The following TENT5C variants were observed in gnomAD, a reference collection of about 807,000 sequenced individuals.
TENT5C encodes terminal nucleotidyltransferase 5C, also known as family with sequence similarity 46 member C.
TENT5C carries 5 observed loss-of-function variants against 22.2 expected under a neutral mutation model. That is an observed-to-expected ratio of 0.22 (90% CI 0.12 to 0.47). The LOEUF (loss-of-function observed/expected upper bound fraction) is 0.47, where lower values mean the gene tolerates loss of function less well. Ranked by LOEUF, TENT5C falls within the 20% of genes least tolerant of loss-of-function variation. The pLI, the probability that TENT5C is intolerant of heterozygous loss-of-function variation, is 0.99. For synonymous variants in TENT5C, 199 were observed against 195.4 expected, an observed-to-expected ratio of 1.02 and a Z score of -0.15; for missense variants, 364 against 500.9, an observed-to-expected ratio of 0.73 and a Z score of 2.61.
chr1:117,626,302 A>G lies in TENT5C; in HGVS notation c.*2258A>G. The G allele has an allele frequency of 4.0e-6, 1 of 247,492 alleles. No homozygotes were observed. The highest frequency in any genetic ancestry group is 8.5e-6 in the Non-Finnish European group (1 of 117,920). 15.3% of individuals were successfully genotyped at this position (247,492 alleles called of 1,614,324 possible). ...TTTCTGCTTATGTTTTTTCCCCCCCATCTGGTAATAGTCCTCTTCTGAGAA... is the reference window on the plus strand; with the variant it reads ...TTTCTGCTTATGTTTTTTCCCCCCCGTCTGGTAATAGTCCTCTTCTGAGAA... On this transcript the variant is annotated 3_prime_UTR_variant, in exon 2 of 2. Transcript: ENST00000369448.
rs764728855 is a variant in TENT5C at position 117,623,739 on chromosome 1, T to TA, written c.872dup (p.Tyr291Ter). Residue 291 changes from tyrosine to a stop codon, truncating the protein, a stop_gained and frameshift_variant, in exon 2 of 2, where the codon TAC becomes TAAC. Coordinates refer to ENST00000369448, the MANE Select transcript of TENT5C (RefSeq NM_017709.4). LOFTEE classifies it high-confidence loss of function. Reference protein sequence around the residue: ...ILEQQRKLETYLQNHFAEEER... With the variant: ...ILEQQRKLET ...TGAACAGCAGAGGAAGTTGGAGACT[T>TA]ACCTTCAAAACCACTTCGCTGAAGA... 1 of 1,614,124 alleles carries TA rather than the reference T, an allele frequency of 6.2e-7. No individual in the cohort carries two copies. Among genetic ancestry groups the TA allele is most frequent in the Admixed American group, 1.7e-5 (1 of 60,024 alleles).
intron 1 of TENT5C, among the ~76,000 whole-genome samples, chr1:117,621,179 T>A (rs1001448144): frequency 6.6e-6 from 1 of 152,098 alleles, no homozygotes; most frequent in South Asian, 2.1e-4. Flanking sequence ...CCTCCACGAG[T>A]ACTCTGTAGC....
At chr1:117,613,909 G>T (rs1653722337) in intron 1 of TENT5C, among the ~76,000 whole-genome samples, 1 of 152,186 alleles carries the variant, frequency 6.6e-6, no homozygotes, top group Non-Finnish European at 1.5e-5. Context: ...TGTGTTGCGG[G>T]CATTTAAGTG....
chr1:117,625,446 A>G lies in TENT5C; in HGVS notation c.*1402A>G. ...TAGTTGAAAGAAAGCTTAGTAGATG[A>G]GAGAGTTCTAGGCTACTGTGGCTTT... On this transcript the variant is annotated 3_prime_UTR_variant, in exon 2 of 2. Transcript: ENST00000369448. 1 of 248,186 alleles carries G rather than the reference A, an allele frequency of 4.0e-6. No homozygotes were observed. 15.4% of individuals were successfully genotyped at this position (248,186 alleles called of 1,614,324 possible). A position where few individuals can be genotyped will look rare whatever the true frequency, so the allele number is the denominator to read the frequency against.
rs1653979261 is a variant in TENT5C, at chr1:117,625,090, GT to G, written c.*1051del. On this transcript the variant is annotated 3_prime_UTR_variant, in exon 2 of 2. Transcript: ENST00000369448. ...TTCTGGAGTACTTTAGCTATTTTTT[GT>G]TTTTGTTCTTTTCGTTTTTTTTTTT... 1 of 244,458 alleles carries G rather than the reference GT, an allele frequency of 4.1e-6. No individual in the cohort carries two copies. The highest frequency in any genetic ancestry group is 5.7e-5 in the Admixed American group (1 of 17,604). The allele number at this position is 244,458 out of a possible 1,614,324, so 15.1% of individuals were successfully genotyped here.
chr1:117,613,546 A>G (rs1433744922), intron 1 of TENT5C, among the ~76,000 whole-genome samples: 2 of 152,160 alleles, frequency 1.3e-5, no homozygotes, highest in East Asian at 3.9e-4. Flanking sequence ...ATAACCATTC[A>G]GACTGTGTGT....
chr1:117,628,239 C>T lies in TENT5C; in HGVS notation c.*4195C>T, dbSNP rs1182685394. 1 of 247,230 alleles carries T rather than the reference C, an allele frequency of 4.0e-6. No individual in the cohort carries two copies. Among genetic ancestry groups the T allele is most frequent in the Non-Finnish European group, 8.5e-6 (1 of 117,718 alleles). 15.3% of individuals were successfully genotyped at this position (247,230 alleles called of 1,614,324 possible). A position where few individuals can be genotyped will look rare whatever the true frequency, so the allele number is the denominator to read the frequency against. ...AAATATTTCTTAGTGCCTAGGAGGTCTGGGGATTCCTCTTTCGTGGTGGTC... is the reference window on the plus strand; with the variant it reads ...AAATATTTCTTAGTGCCTAGGAGGTTTGGGGATTCCTCTTTCGTGGTGGTC... On this transcript the variant is annotated 3_prime_UTR_variant, in exon 2 of 2. Transcript: ENST00000369448.
chr1:117,619,801 TA>T (rs1368823458), intron 1 of TENT5C, among the ~76,000 whole-genome samples: 1 of 152,226 alleles, frequency 6.6e-6, no homozygotes, highest in Non-Finnish European at 1.5e-5. Context: ...ATGCCTCCTT[TA>T]ATTATATACT....
At chr1:117,612,950 A>G (rs908702110) in intron 1 of TENT5C, among the ~76,000 whole-genome samples, 8 of 152,202 alleles carry the variant, frequency 5.3e-5, no homozygotes, top group African/African-American at 1.9e-4. Context: ...GCAGCCTTTG[A>G]TGAAACCCGG....
intron 1 of TENT5C, among the ~76,000 whole-genome samples, chr1:117,612,493 G>C (rs1358818442): frequency 2.0e-5 from 3 of 151,226 alleles, no homozygotes; most frequent in Non-Finnish European, 4.4e-5. Flanking sequence ...AAATTTGAGT[G>C]AAATTGCAAG....
In TENT5C at chr1:117,626,094, A is replaced by T. The variant is rs922537040; in HGVS notation, c.*2050A>T. On this transcript the variant is annotated 3_prime_UTR_variant, in exon 2 of 2. Transcript: ENST00000369448. Reference sequence around the variant, plus strand: ...TGGTGGTCAAATGGCATGTGTTTGCACAAAAATGACCGATGTGTTTAACCA... The same window carrying T: ...TGGTGGTCAAATGGCATGTGTTTGCTCAAAAATGACCGATGTGTTTAACCA... 2 of 247,966 alleles carry T rather than the reference A, an allele frequency of 8.1e-6. No homozygotes were observed. Among genetic ancestry groups the T allele is most frequent in the African/African-American group, 2.2e-5 (1 of 45,350 alleles). The allele number at this position is 247,966 out of a possible 1,614,324, so 15.4% of individuals were successfully genotyped here.
At chr1:117,611,477 G>A (rs771863243) in intron 1 of TENT5C, among the ~76,000 whole-genome samples, 2 of 152,140 alleles carry the variant, frequency 1.3e-5, no homozygotes, top group Non-Finnish European at 2.9e-5. Context: ...CAATAAATTA[G>A]ATCAGTGCTT....
At chr1:117,622,585 T>C (rs1653917071) in intron 1 of TENT5C, among the ~76,000 whole-genome samples, 1 of 149,268 alleles carries the variant, frequency 6.7e-6, no homozygotes, top group Non-Finnish European at 1.5e-5. Context: ...ACTCCACCCT[T>C]ACCCAGAAAA....
chr1:117,611,445 A>G lies in TENT5C; in HGVS notation c.-28+5292A>G, dbSNP rs79025895. Among the ~76,000 whole-genome samples the G allele has an allele frequency of 1.1e-3, 167 of 152,336 alleles. 1 individual carries two copies. In the East Asian group the frequency reaches 0.029, roughly 27 times the overall value. On this transcript the variant is annotated intron_variant, in intron 1 of 1. Coordinates refer to ENST00000369448, the MANE Select transcript of TENT5C (RefSeq NM_017709.4). Reference sequence around the variant, plus strand: ...CAGAGCCTTTACCTCTTCAGCCTTCAGCTTCTTCATTATAATAAGGACAAT... The same window carrying G: ...CAGAGCCTTTACCTCTTCAGCCTTCGGCTTCTTCATTATAATAAGGACAAT...
chr1:117,611,529 C>G (rs1178939528), intron 1 of TENT5C, among the ~76,000 whole-genome samples: 3 of 152,116 alleles, frequency 2.0e-5, no homozygotes, highest in African/African-American at 7.2e-5. Flanking sequence ...TCCTAGTAGT[C>G]CCATTAAAGA....
intron 1 of TENT5C, among the ~76,000 whole-genome samples, chr1:117,613,553 G>A (rs1325386404): frequency 6.6e-6 from 1 of 152,190 alleles, no homozygotes; most frequent in Non-Finnish European, 1.5e-5. Flanking sequence ...TTCAGACTGT[G>A]TGTTGGCTTC....
At chr1:117,616,693 A>C (rs1653788007) in intron 1 of TENT5C, among the ~76,000 whole-genome samples, 1 of 152,254 alleles carries the variant, frequency 6.6e-6, no homozygotes, top group South Asian at 2.1e-4. Flanking sequence ...AACATCCAGA[A>C]ATAGTGAAAG....
At chr1:117,610,823 G>A (rs184267943) in intron 1 of TENT5C, among the ~76,000 whole-genome samples, 228 of 152,212 alleles carry the variant, frequency 1.5e-3, no homozygotes, top group African/African-American at 5.2e-3. Context: ...CACCATGCCC[G>A]GCCAATACTT....
chr1:117,613,497 G>T (rs1653713586), intron 1 of TENT5C, among the ~76,000 whole-genome samples: 1 of 152,170 alleles, frequency 6.6e-6, no homozygotes, highest in African/African-American at 2.4e-5. Context: ...TTTCTGTTTG[G>T]AGTTGTCGTT....
Sources: allele counts gnomAD v4.1 joint callset (sites outside exome capture counted in the v4.1 genomes callset), GRCh38; gene constraint gnomAD v4.1.1; transcripts MANE v1.5; gene names NCBI Gene and HGNC (gene_info 2026-07-23, HGNC 2026-07-21).